CCDC178: variants seen among roughly 807,000 people sequenced by gnomAD.
CCDC178 encodes the protein coiled-coil domain containing 178.
CCDC178 carries 126 observed loss-of-function variants against 117.4 expected under a neutral mutation model. That is an observed-to-expected ratio of 1.07 (90% confidence interval 0.93 to 1.24). The LOEUF (loss-of-function observed/expected upper bound fraction) is 1.24, where lower values mean the gene tolerates loss of function less well. Ranked by LOEUF, CCDC178 falls within the 50% of genes most tolerant of loss-of-function variation. The pLI is 0.00. For missense variants in CCDC178, 1,030 were observed against 986.9 expected (o/e 1.04, Z -0.59); for synonymous variants, 283 against 313.4 (o/e 0.90, Z 1.02).
chr18:33,208,539 T>C (rs1008887331), intron 20 of CCDC178, among the ~76,000 whole-genome samples: 1 of 152,014 alleles, frequency 6.6e-6, no homozygotes, highest in Non-Finnish European at 1.5e-5. Context: ...AAATGGAGTA[T>C]AGGGTTTCGG....
chr18:33,086,151 A>G (rs886916194), intron 21 of CCDC178, among the ~76,000 whole-genome samples: 1 of 151,970 alleles, frequency 6.6e-6, no homozygotes, highest in Non-Finnish European at 1.5e-5. Context: ...AGTGATAAAA[A>G]CAATACTATT....
intron 21 of CCDC178, among the ~76,000 whole-genome samples, chr18:33,013,036 ATAAT>A (rs2055904581): frequency 6.6e-6 from 1 of 152,186 alleles, no homozygotes; most frequent in Admixed American, 6.5e-5. Context: ...CATAATTTAC[ATAAT>A]TAATTTTTAG....
intron 20 of CCDC178, among the ~76,000 whole-genome samples, chr18:33,161,876 C>T (rs937674444): frequency 6.6e-6 from 1 of 152,142 alleles, no homozygotes; most frequent in South Asian, 2.1e-4. Context: ...CCACAATAAA[C>T]ATATGTGTGC....
At chr18:33,261,902 T>C (rs892765662) in intron 14 of CCDC178, among the ~76,000 whole-genome samples, 3 of 152,168 alleles carry the variant, frequency 2.0e-5, no homozygotes, top group Admixed American at 1.3e-4. Context: ...TTTGGTACTC[T>C]CTTCATAGAA....
At chr18:33,202,784 C>A (rs983245710) in intron 20 of CCDC178, among the ~76,000 whole-genome samples, 1 of 152,182 alleles carries the variant, frequency 6.6e-6, no homozygotes, top group African/African-American at 2.4e-5. Flanking sequence ...TCATGTCTCC[C>A]CCTGCAAATT....
chr18:33,439,435 G>A (rs1242349833), intron 2 of CCDC178, among the ~76,000 whole-genome samples: 6 of 152,116 alleles, frequency 3.9e-5, no homozygotes, highest in African/African-American at 2.4e-5. Flanking sequence ...TCATATTTTC[G>A]ATAGTTCTGG....
intron 20 of CCDC178, among the ~76,000 whole-genome samples, chr18:33,211,221 C>T (rs1883944380): frequency 6.6e-6 from 1 of 151,450 alleles, no homozygotes; most frequent in African/African-American, 2.4e-5. Flanking sequence ...AAAAGATGTC[C>T]CTTTGTATCT....
At position 33,390,019 on chromosome 18, in the gene CCDC178, C is replaced by CAT. The variant is rs1373479265; in HGVS notation, c.119-392_119-391dup. Among the ~76,000 whole-genome samples the CAT allele has an allele frequency of 3.4e-5, 5 of 148,346 alleles. No individual in the cohort carries two copies. The Admixed American group carries it at 3.4e-4, about 10-fold the overall frequency. ...GTATATATATATATACTATTTTATACATATATATACTATTATATATCTTAA... is the reference window on the plus strand; with the variant it reads ...GTATATATATATATACTATTTTATACATATATATATACTATTATATATCTTAA... On this transcript the variant is annotated intron_variant, in intron 4 of 22. Transcript: ENST00000383096.
chr18:33,267,079 T>C (rs772135114), intron 13 of CCDC178, 27 bp from the exon 14 acceptor site: 10 of 1,563,026 alleles, frequency 6.4e-6, no homozygotes, highest in Non-Finnish European at 8.6e-6. Flanking sequence ...AAAGAATCAT[T>C]CATACATGTC....
At chr18:33,300,370 C>T (rs750675969) in intron 11 of CCDC178, among the ~76,000 whole-genome samples, 74 of 152,070 alleles carry the variant, frequency 4.9e-4, no homozygotes, top group Non-Finnish European at 6.9e-4. Flanking sequence ...AAAATTGGTA[C>T]CAAGGAATTG....
At chr18:32,942,373 G>A (rs1233277592) in intron 22 of CCDC178, among the ~76,000 whole-genome samples, 1 of 152,226 alleles carries the variant, frequency 6.6e-6, no homozygotes, top group East Asian at 1.9e-4. Flanking sequence ...CTCTCTAAGT[G>A]AGGCATAATC....
At chr18:33,175,526 T>G (rs1320975518) in intron 20 of CCDC178, among the ~76,000 whole-genome samples, 1 of 152,152 alleles carries the variant, frequency 6.6e-6, no homozygotes. Context: ...CAGATTTTAA[T>G]TCATATATCT....
intron 2 of CCDC178, among the ~76,000 whole-genome samples, chr18:33,415,151 C>G (rs1031257449): frequency 6.6e-6 from 1 of 152,168 alleles, no homozygotes; most frequent in African/African-American, 2.4e-5. Flanking sequence ...GGTGATTCCT[C>G]AAGGATCTAG....
At position 32,973,975 on chromosome 18, in the gene CCDC178, A is replaced by G. The variant is rs140550799; in HGVS notation, c.2523+572T>C. 1.4e-3 allele frequency among the ~76,000 whole-genome samples: 219 copies of G among 152,278 alleles called. 2 individuals carry two copies. In the East Asian group the frequency reaches 0.023, roughly 16 times the overall value. On this transcript the variant is annotated intron_variant, in intron 22 of 22. Coordinates refer to ENST00000383096, the MANE Select transcript of CCDC178 (RefSeq NM_001105528.4). ...TATTTAATGTGGGTTTCTAAAATATATCATTCTTAAAATGAAACAATGTAT... is the reference window on the plus strand; with the variant it reads ...TATTTAATGTGGGTTTCTAAAATATGTCATTCTTAAAATGAAACAATGTAT...
chr18:33,299,502 AACACACAC>A (rs71159812), intron 11 of CCDC178, among the ~76,000 whole-genome samples: 3 of 146,096 alleles, frequency 2.1e-5, no homozygotes, highest in East Asian at 2.0e-4. Context: ...AACTAGTATA[AACACACAC>A]ACACACACAC....
intron 21 of CCDC178, among the ~76,000 whole-genome samples, chr18:33,077,414 G>A (rs1443106346): frequency 2.0e-5 from 3 of 152,160 alleles, no homozygotes; most frequent in Non-Finnish European, 4.4e-5. Context: ...CTTTACTGAG[G>A]TAGCTGAGCT....
intron 20 of CCDC178, among the ~76,000 whole-genome samples, chr18:33,163,187 A>G (rs1185270129): frequency 6.6e-6 from 1 of 152,102 alleles, no homozygotes; most frequent in African/African-American, 2.4e-5. Flanking sequence ...ATGATCAGTG[A>G]TATTGAGCGT....
intron 21 of CCDC178, among the ~76,000 whole-genome samples, chr18:33,089,767 G>A (rs889343829): frequency 3.9e-5 from 6 of 152,004 alleles, no homozygotes; most frequent in Non-Finnish European, 8.8e-5. Context: ...AATACCCATG[G>A]ACTTTTTTTA....
intron 11 of CCDC178, among the ~76,000 whole-genome samples, chr18:33,319,364 C>A (rs958907564): frequency 6.6e-6 from 1 of 152,064 alleles, no homozygotes; most frequent in African/African-American, 2.4e-5. Context: ...CTACAAAGGA[C>A]ATGAACTCAT....
Sources: allele counts gnomAD v4.1 joint callset (sites outside exome capture counted in the v4.1 genomes callset), GRCh38; gene constraint gnomAD v4.1.1; transcripts MANE v1.5; gene names NCBI Gene and HGNC (gene_info 2026-07-23, HGNC 2026-07-21).